Variants in RMND5B observed in about 807,000 individuals in gnomAD.
The protein encoded by RMND5B is E3 ubiquitin-protein transferase RMND5B.
Under a neutral mutation model 50.4 loss-of-function variants are expected in RMND5B, and 42 were observed. The observed-to-expected ratio is 0.83, with a 90% CI of 0.65 to 1.08. The LOEUF is 1.08. Ranked by LOEUF, RMND5B falls within the 50% of genes least tolerant of loss-of-function variation. The pLI, the probability that RMND5B is intolerant of heterozygous loss-of-function variation, is 0.00. For missense variants in RMND5B, 463 were observed against 508.5 expected, an observed-to-expected ratio of 0.91 and a Z score of 0.86; for synonymous variants, 220 against 210.0, an observed-to-expected ratio of 1.05 and a Z score of -0.41.
At chr5:178,147,426 C>G in intron 8 of RMND5B, 107 bp from the exon 9 acceptor site, 1 of 786,000 alleles carries the variant, frequency 1.3e-6, no homozygotes, top group Non-Finnish European at 2.1e-6. Context: ...TGACCGTGCA[C>G]CATTTTAGAG....
At position 178,137,312 on chromosome 5, in the gene RMND5B, G is replaced by A. The variant is rs999015462; in HGVS notation, c.-12-796G>A. The stretch of plus-strand genomic sequence containing the variant: ...GTGTTTCCAAATATCAGCCACTCAA[G>A]GACGGCCTTTATGGTTTATGTTACT... On this transcript the variant is annotated intron_variant, in intron 2 of 10. Coordinates refer to ENST00000313386, the MANE Select transcript of RMND5B (RefSeq NM_022762.5). This position sits in a 1 kb window ranked among gnomAD's most constrained non-coding sequence, Gnocchi z 4.4. Among the ~76,000 whole-genome samples, 4 of 152,156 alleles carry A rather than the reference G, an allele frequency of 2.6e-5. No individual in the cohort carries two copies. Among genetic ancestry groups the A allele is most frequent in the East Asian group, 1.9e-4 (1 of 5,204 alleles).
rs978522176 is a variant in RMND5B, at chr5:178,131,301, C to A, written c.-88C>A. 1.3e-5 allele frequency: 2 copies of A among 152,214 alleles called. No individual in the cohort carries two copies. The highest frequency in any genetic ancestry group is 2.4e-5 in the African/African-American group (1 of 41,448). The allele number at this position is 152,214 out of a possible 1,614,324, so 9.4% of individuals were successfully genotyped here. On this transcript the variant is annotated 5_prime_UTR_variant, in exon 2 of 11. Coordinates refer to ENST00000313386, the MANE Select transcript of RMND5B (RefSeq NM_022762.5). ...AGGTCCCGGCCCAGCCCCCGAAGAG[C>A]CGCCTCAGCCGGGGGGAGTTGCTCG...
At chr5:178,144,521 C>T (rs1468492330) in intron 7 of RMND5B, among the ~76,000 whole-genome samples, 1 of 151,544 alleles carries the variant, frequency 6.6e-6, no homozygotes, top group East Asian at 1.9e-4. Flanking sequence ...CCGAGGTGGG[C>T]GGATCATGAG....
intron 5 of RMND5B, 132 bp from the exon 6 acceptor site, chr5:178,143,492 CAGG>C (rs756723470): frequency 9.3e-5 from 65 of 695,262 alleles, no homozygotes; most frequent in Non-Finnish European, 1.5e-4. Context: ...AAGTGGCTGG[CAGG>C]AGACCAAGCT....
In RMND5B at chr5:178,138,486, C is replaced by A; in HGVS notation, c.139+228C>A. 8.4e-7 allele frequency: 1 copy of A among 1,186,244 alleles called. No individual in the cohort carries two copies. Among genetic ancestry groups the A allele is most frequent in the Non-Finnish European group, 1.1e-6 (1 of 909,592 alleles). 73.5% of individuals were successfully genotyped at this position (1,186,244 alleles called of 1,614,324 possible). A position where few individuals can be genotyped will look rare whatever the true frequency, so the allele number is the denominator to read the frequency against. On this transcript the variant is annotated intron_variant, in intron 3 of 10. Coordinates refer to ENST00000313386, the MANE Select transcript of RMND5B (RefSeq NM_022762.5). This position sits in a 1 kb window ranked among gnomAD's most constrained non-coding sequence, Gnocchi z 5.1. ...CCATTTACATTTTGTTTTCAACTTACTTTTCTATTTTTAACTTTTTTTCAT... is the reference window on the plus strand; with the variant it reads ...CCATTTACATTTTGTTTTCAACTTAATTTTCTATTTTTAACTTTTTTTCAT...
chr5:178,149,798 A>G lies in RMND5B; in HGVS notation c.*1766A>G. 1 of 1,613,878 alleles carries G rather than the reference A, an allele frequency of 6.2e-7. No individual in the cohort carries two copies. The highest frequency in any genetic ancestry group is 1.1e-5 in the South Asian group (1 of 91,038). The stretch of plus-strand genomic sequence containing the variant: ...CTCCTCATGGGGCTTGACCATTATC[A>G]CACAGGTGGGGCGCTTGGAGCCTGC... On this transcript the variant is annotated 3_prime_UTR_variant, in exon 11 of 11. Coordinates refer to ENST00000313386, the MANE Select transcript of RMND5B (RefSeq NM_022762.5).
chr5:178,137,996 C>T lies in RMND5B; in HGVS notation c.-12-112C>T, dbSNP rs1758705684. Reference sequence around the variant, plus strand: ...ATACATATATGTACAAAACATATAACATTGATACATGATGTGGGAATGGTG... The same window carrying T: ...ATACATATATGTACAAAACATATAATATTGATACATGATGTGGGAATGGTG... On this transcript the variant is annotated intron_variant, in intron 2 of 10. Transcript: ENST00000313386. This position sits in a 1 kb window ranked among gnomAD's most constrained non-coding sequence, Gnocchi z 4.4. The T allele has an allele frequency of 1.0e-6, 1 of 954,550 alleles. No individual in the cohort carries two copies. The highest frequency in any genetic ancestry group is 1.7e-5 in the South Asian group (1 of 57,770). 59.1% of individuals were successfully genotyped at this position (954,550 alleles called of 1,614,324 possible). A position where few individuals can be genotyped will look rare whatever the true frequency, so the allele number is the denominator to read the frequency against.
chr5:178,145,747 G>C (rs1296247034), intron 7 of RMND5B, among the ~76,000 whole-genome samples: 1 of 152,172 alleles, frequency 6.6e-6, no homozygotes, highest in Non-Finnish European at 1.5e-5. Context: ...GCTGCCTGTT[G>C]AAAGCTCTTA....
At chr5:178,147,427 C>T in intron 8 of RMND5B, 106 bp from the exon 9 acceptor site, 2 of 790,318 alleles carry the variant, frequency 2.5e-6, no homozygotes, top group Non-Finnish European at 4.1e-6. Flanking sequence ...GACCGTGCAC[C>T]ATTTTAGAGC....
chr5:178,149,850 AAAG>A lies in RMND5B; in HGVS notation c.*1822_*1824del, dbSNP rs1282059422. The A allele has an allele frequency of 1.2e-6, 2 of 1,612,896 alleles. No homozygotes were observed. The highest frequency in any genetic ancestry group is 2.2e-5 in the East Asian group (1 of 44,866). ...GCTGCACCCAGGTCCTACAGAGGGG[AAAG>A]AAGTGCTGTTTGGAAAAAAGCTGTA... is the stretch of plus-strand genomic sequence containing the variant. On this transcript the variant is annotated 3_prime_UTR_variant, in exon 11 of 11. Transcript: ENST00000313386.
At chr5:178,135,855 A>C (rs777956397) in intron 2 of RMND5B, among the ~76,000 whole-genome samples, 21 of 152,162 alleles carry the variant, frequency 1.4e-4, no homozygotes, top group Non-Finnish European at 2.5e-4. Flanking sequence ...TTTTTGATAA[A>C]TTGTGATTCT....
chr5:178,131,585 A>T (rs1332382556), intron 2 of RMND5B, among the ~76,000 whole-genome samples: 1 of 151,732 alleles, frequency 6.6e-6, no homozygotes, highest in Non-Finnish European at 1.5e-5. Flanking sequence ...AAAAAAAAAA[A>T]AAAATGGAGG....
At position 178,150,468 on chromosome 5, in the gene RMND5B, A is replaced by ACTCCTGGGTTCAAGTGAT. The variant is rs1756247238; in HGVS notation, c.*2443_*2460dup. 3 of 355,496 alleles carry ACTCCTGGGTTCAAGTGAT rather than the reference A, an allele frequency of 8.4e-6. No individual in the cohort carries two copies. The highest frequency in any genetic ancestry group is 1.7e-5 in the Non-Finnish European group (3 of 180,978). 22.0% of individuals were successfully genotyped at this position (355,496 alleles called of 1,614,324 possible). Reference sequence around the variant, plus strand: ...TGATCATGGCTCACTGCAGCCTTGAACTCCTGGGTTCAAGTGATCTCCTGC... The same window carrying ACTCCTGGGTTCAAGTGAT: ...TGATCATGGCTCACTGCAGCCTTGAACTCCTGGGTTCAAGTGATCTCCTGGGTTCAAGTGATCTCCTGC... On this transcript the variant is annotated 3_prime_UTR_variant, in exon 11 of 11. Transcript: ENST00000313386.
In RMND5B at chr5:178,142,920, G is replaced by A. The variant is rs1414568433; in HGVS notation, c.354G>A (p.Gln118=). ...AVWDAREQQQ[Q]ILQMAIVEHL... Reference sequence around the variant, plus strand: ...GGGACGCGCGGGAACAGCAGCAGCAGATCCTGCAGATGGCCATCGTGGAAC... The same window carrying A: ...GGGACGCGCGGGAACAGCAGCAGCAAATCCTGCAGATGGCCATCGTGGAAC... Residue 118 remains glutamine (Q), a synonymous_variant, in exon 5 of 11, where the codon CAG becomes CAA. Coordinates refer to ENST00000313386, the MANE Select transcript of RMND5B (RefSeq NM_022762.5). The A allele has an allele frequency of 6.2e-7, 1 of 1,614,244 alleles. No individual in the cohort carries two copies. The highest frequency in any genetic ancestry group is 1.1e-5 in the South Asian group (1 of 91,090).
chr5:178,139,564 A>G (rs1175082548), intron 3 of RMND5B, among the ~76,000 whole-genome samples: 1 of 132,352 alleles, frequency 7.6e-6, no homozygotes, highest in Non-Finnish European at 1.6e-5. Context: ...TTTTTTTGAT[A>G]TAGAGTTTTG....
At chr5:178,146,676 G>C (rs1581130429) in intron 8 of RMND5B, 1 of 181,988 alleles carries the variant, frequency 5.5e-6, no homozygotes, top group East Asian at 1.4e-4. Context: ...TGAGTAATAT[G>C]TATTCAGCAC....
intron 2 of RMND5B, among the ~76,000 whole-genome samples, chr5:178,134,676 T>C (rs1758518717): frequency 6.6e-6 from 1 of 152,152 alleles, no homozygotes; most frequent in South Asian, 2.1e-4. Flanking sequence ...ATTTTACTTT[T>C]AAAAATTTGG....
At chr5:178,143,763 C>A in intron 6 of RMND5B, 36 bp downstream of exon 6, 1 of 1,522,704 alleles carries the variant, frequency 6.6e-7, no homozygotes, top group Non-Finnish European at 9.1e-7. Context: ...CAGCATTCTG[C>A]TTCGACCTCT....
Position 178,138,419 on chromosome 5 carries a change from T to A in RMND5B, c.139+161T>A. ...CGGGTAATGACAGTCTCTGAGCTAC[T>A]TCAAAAAGCCCAACAAATTATTAAT... On this transcript the variant is annotated intron_variant, in intron 3 of 10. Coordinates refer to ENST00000313386, the MANE Select transcript of RMND5B (RefSeq NM_022762.5). The surrounding 1 kb of genome is among the most constrained non-coding windows in gnomAD (Gnocchi z 5.1). The A allele has an allele frequency of 7.2e-7, 1 of 1,388,770 alleles. No homozygotes were observed. The highest frequency in any genetic ancestry group is 9.3e-7 in the Non-Finnish European group (1 of 1,075,668). 86.0% of individuals were successfully genotyped at this position (1,388,770 alleles called of 1,614,324 possible).
Sources: gnomAD v4.1 joint callset for allele counts (sites outside exome capture counted in the v4.1 genomes callset) on GRCh38, gnomAD v4.1.1 for gene constraint, Gnocchi (gnomAD v3.1) non-coding constraint, MANE v1.5 for transcripts, NCBI Gene and HGNC (gene_info 2026-07-23, HGNC 2026-07-21) for gene names.